The following DNAH11 variants were observed in gnomAD, a reference collection of about 807,000 sequenced individuals.
The protein encoded by DNAH11 is dynein axonemal heavy chain 11.
DNAH11 carries 442 observed loss-of-function variants against 526.0 expected under a neutral mutation model. That is an observed-to-expected ratio of 0.84 (90% CI 0.78 to 0.91). The LOEUF is 0.91. Among genes scored for constraint, DNAH11 ranks in the 40% least tolerant of loss-of-function variants. The pLI, the probability that DNAH11 is intolerant of heterozygous loss-of-function variation, is 0.00. For missense variants in DNAH11, 6,989 were observed against 5,448.7 expected, an observed-to-expected ratio of 1.28 and a Z score of -8.90; for synonymous variants, 2,461 against 1,935.9, an observed-to-expected ratio of 1.27 and a Z score of -7.12.
chr7:21,788,007 T>C (rs1788268473), intron 60 of DNAH11, among the ~76,000 whole-genome samples: 2 of 152,232 alleles, frequency 1.3e-5, no homozygotes, highest in African/African-American at 4.8e-5. Context: ...ACCATTTCTT[T>C]GCTTTAGTAT....
At chr7:21,580,838 T>C (rs1248003987) in intron 8 of DNAH11, among the ~76,000 whole-genome samples, 5 of 152,222 alleles carry the variant, frequency 3.3e-5, no homozygotes, top group African/African-American at 1.2e-4. Context: ...ATTCAGACTC[T>C]AGCAGGTATA....
At chr7:21,880,650 T>C in intron 74 of DNAH11, 52 bp from the exon 75 acceptor site, 4 of 1,598,902 alleles carry the variant, frequency 2.5e-6, no homozygotes, top group South Asian at 1.1e-5. Flanking sequence ...AGACCCTTGC[T>C]CTTGGAAACC....
At chr7:21,765,700 C>G (rs1333850004) in intron 55 of DNAH11, 111 bp downstream of exon 55, 51 of 1,307,748 alleles carry the variant, frequency 3.9e-5, no homozygotes, top group Non-Finnish European at 5.2e-5. Flanking sequence ...CACAGTACAT[C>G]TCCTATCAGA....
In DNAH11 at chr7:21,615,162, G is replaced by T. The variant is rs72657308; in HGVS notation, c.3901G>T (p.Glu1301Ter). The T allele has an allele frequency of 1.9e-6, 3 of 1,612,752 alleles. No homozygotes were observed. Among genetic ancestry groups the T allele is most frequent in the Non-Finnish European group, 2.5e-6 (3 of 1,179,350 alleles). The change falls in exon 21 of 82, where the codon GAA becomes TAA. Residue 1301 changes from glutamate to a stop codon, truncating the protein, a stop_gained. Transcript: ENST00000409508. LOFTEE classifies it high-confidence loss of function. ...ALEEEMLQMQ[E>*]STRLFEVALP... ...AGAAGAAGAAATGTTGCAGATGCAAGAATCTACTCGTCTTTTTGAAGTGGC... is the reference window on the plus strand; with the variant it reads ...AGAAGAAGAAATGTTGCAGATGCAATAATCTACTCGTCTTTTTGAAGTGGC...
intron 47 of DNAH11, among the ~76,000 whole-genome samples, chr7:21,739,349 G>A (rs1050477159): frequency 5.9e-5 from 9 of 152,112 alleles, no homozygotes; most frequent in Non-Finnish European, 1.0e-4. Context: ...TTACATTGAC[G>A]CAGCTCCAGA....
intron 25 of DNAH11, among the ~76,000 whole-genome samples, chr7:21,631,618 C>A (rs1052224179): frequency 6.6e-5 from 10 of 152,254 alleles, no homozygotes; most frequent in African/African-American, 2.2e-4. Flanking sequence ...GCAGTCAAAT[C>A]TTAAAGCTCC....
At chr7:21,724,711 T>G in intron 44 of DNAH11, among the ~76,000 whole-genome samples, 1 of 148,620 alleles carries the variant, frequency 6.7e-6, no homozygotes, top group Non-Finnish European at 1.5e-5. Flanking sequence ...GATATGGGAG[T>G]AACTGGGCCA....
chr7:21,602,459 C>T (rs1388284316), intron 18 of DNAH11, among the ~76,000 whole-genome samples: 2 of 152,062 alleles, frequency 1.3e-5, no homozygotes, highest in African/African-American at 4.8e-5. Flanking sequence ...GATTTGGGGG[C>T]TTTTTAACAA....
At chr7:21,879,821 G>A (rs892616722) in intron 74 of DNAH11, among the ~76,000 whole-genome samples, 1 of 152,018 alleles carries the variant, frequency 6.6e-6, no homozygotes, top group Non-Finnish European at 1.5e-5. Context: ...CCCGCGGCTC[G>A]TGCCTATAAT....
At chr7:21,630,000 A>C (rs554530514) in intron 25 of DNAH11, among the ~76,000 whole-genome samples, 1 of 151,690 alleles carries the variant, frequency 6.6e-6, no homozygotes, top group African/African-American at 2.4e-5. Context: ...TTACTTTTTT[A>C]CTGCCTTCCT....
At chr7:21,663,484 T>A (rs1782313110) in intron 30 of DNAH11, among the ~76,000 whole-genome samples, 1 of 152,120 alleles carries the variant, frequency 6.6e-6, no homozygotes, top group Non-Finnish European at 1.5e-5. Flanking sequence ...TTCACCAACA[T>A]CTGTGTTGTT....
chr7:21,816,697 G>C lies in DNAH11; in HGVS notation c.10563G>C (p.Gln3521His). ...GMDLKVTHLG[Q>H]KGFLNAIETA... Reference sequence around the variant, plus strand: ...ACCTGAAAGTCACACATTTGGGCCAGAAAGGGTATGTGAAGTTTGAAGAGA... The same window carrying C: ...ACCTGAAAGTCACACATTTGGGCCACAAAGGGTATGTGAAGTTTGAAGAGA... The change falls in exon 64 of 82, where the codon CAG (glutamine) becomes CAC (histidine). Residue 3521 changes from glutamine (Q) to histidine (H), a missense_variant. Transcript: ENST00000409508. The C allele has an allele frequency of 6.2e-7, 1 of 1,613,178 alleles. No homozygotes were observed. The highest frequency in any genetic ancestry group is 1.1e-5 in the South Asian group (1 of 90,830).
chr7:21,657,972 C>T (rs190954236), intron 29 of DNAH11, among the ~76,000 whole-genome samples: 29 of 152,172 alleles, frequency 1.9e-4, no homozygotes, highest in African/African-American at 6.7e-4. Context: ...TCATGTGATT[C>T]TTGGTATTTA....
intron 61 of DNAH11, among the ~76,000 whole-genome samples, chr7:21,793,342 G>T (rs1453976894): frequency 6.6e-6 from 1 of 152,240 alleles, no homozygotes; most frequent in African/African-American, 2.4e-5. Context: ...GTCAGGCTGG[G>T]CGTGGTGGCT....
intron 25 of DNAH11, among the ~76,000 whole-genome samples, chr7:21,622,293 C>T (rs1372388514): frequency 6.6e-6 from 1 of 152,262 alleles, no homozygotes; most frequent in South Asian, 2.1e-4. Flanking sequence ...AGGAGAACTA[C>T]AAACCACTGC....
chr7:21,795,985 C>CCACGTAT (rs1554282106), intron 61 of DNAH11, among the ~76,000 whole-genome samples: 1 of 151,454 alleles, frequency 6.6e-6, no homozygotes, highest in African/African-American at 2.4e-5. Context: ...ACAGTGAGTA[C>CCACGTAT]CTCAACATGA....
intron 24 of DNAH11, among the ~76,000 whole-genome samples, chr7:21,619,604 G>A (rs901007508): frequency 7.9e-5 from 12 of 152,282 alleles, no homozygotes; most frequent in African/African-American, 2.9e-4. Flanking sequence ...TCACACAGAA[G>A]ACTGAGATTC....
At chr7:21,750,105 A>G (rs1457341652) in intron 53 of DNAH11, 117 bp from the exon 54 acceptor site, 53 of 1,326,602 alleles carry the variant, frequency 4.0e-5, no homozygotes, top group Non-Finnish European at 5.1e-5. Context: ...TTCTGATTTT[A>G]AACTCTTACC....
At chr7:21,869,427 C>G (rs1448505846) in intron 73 of DNAH11, among the ~76,000 whole-genome samples, 1 of 151,652 alleles carries the variant, frequency 6.6e-6, no homozygotes, top group Non-Finnish European at 1.5e-5. Context: ...GTCCTTGTCA[C>G]ACAACCAGAA....
Sources: gnomAD v4.1 joint callset for allele counts (sites outside exome capture counted in the v4.1 genomes callset) on GRCh38, gnomAD v4.1.1 for gene constraint, MANE v1.5 for transcripts, NCBI Gene and HGNC (gene_info 2026-07-23, HGNC 2026-07-21) for gene names.